Variants in KHDRBS2 observed in about 807,000 individuals in gnomAD.
KHDRBS2 encodes KH domain-containing, RNA-binding, signal transduction-associated protein 2.
A neutral mutation model predicts 44.3 loss-of-function variants in KHDRBS2; 26 were observed. The observed-to-expected ratio is 0.59, with a 90% CI of 0.43 to 0.81. The LOEUF (loss-of-function observed/expected upper bound fraction) is 0.81, where lower values mean the gene tolerates loss of function less well. KHDRBS2 is among the 40% of genes least tolerant of loss of function. The probability of loss-of-function intolerance (pLI) is 0.00; values close to 1 mark genes in which losing one functional copy is unlikely to be tolerated. For synonymous variants in KHDRBS2, 194 were observed against 151.1 expected, an observed-to-expected ratio of 1.28 and a Z score of -2.08; for missense variants, 476 against 433.1, an observed-to-expected ratio of 1.10 and a Z score of -0.88.
chr6:61,701,326 AT>A (rs1561989256), intron 7 of KHDRBS2, among the ~76,000 whole-genome samples: 1 of 152,004 alleles, frequency 6.6e-6, no homozygotes, highest in African/African-American at 2.4e-5. Flanking sequence ...TAGTTCTATA[AT>A]TTAAATTGAT....
intron 1 of KHDRBS2, among the ~76,000 whole-genome samples, chr6:62,204,873 TA>T (rs569226960): frequency 0.014 from 2,152 of 149,486 alleles, 24 homozygotes; most frequent in African/African-American, 0.026. Flanking sequence ...TGTATTTTGT[TA>T]AAAAAAAAAT....
chr6:61,595,168 C>T, the KHDRBS2 span, among the ~76,000 whole-genome samples: 3,716 of 152,166 alleles, frequency 0.024, 71 homozygotes, highest in Middle Eastern at 0.085. Context: ...GTGACTTTTG[C>T]TATTAAGCCT....
At chr6:61,634,918 C>T in the KHDRBS2 span, among the ~76,000 whole-genome samples, 2 of 151,932 alleles carry the variant, frequency 1.3e-5, no homozygotes, top group African/African-American at 4.8e-5. Context: ...TATTTAAGTT[C>T]CTTCCAATTA....
intron 6 of KHDRBS2, among the ~76,000 whole-genome samples, chr6:61,840,536 G>T (rs561375546): frequency 2.3e-4 from 35 of 152,190 alleles, no homozygotes; most frequent in Non-Finnish European, 4.3e-4. Context: ...CAACCAAGAT[G>T]CCACCAGATA....
intron 1 of KHDRBS2, among the ~76,000 whole-genome samples, chr6:62,209,337 C>T (rs1828610141): frequency 3.3e-5 from 5 of 152,094 alleles, no homozygotes; most frequent in African/African-American, 1.2e-4. Context: ...CAATTAAAGA[C>T]AGAAAAAACA....
intron 6 of KHDRBS2, among the ~76,000 whole-genome samples, chr6:61,749,128 T>C (rs1294175428): frequency 6.6e-6 from 1 of 151,006 alleles, no homozygotes; most frequent in Admixed American, 6.6e-5. Context: ...TTGTCCTGCT[T>C]CAGCCTCCCG....
intron 4 of KHDRBS2, among the ~76,000 whole-genome samples, chr6:61,923,815 T>C (rs532519147): frequency 6.6e-6 from 1 of 152,196 alleles, no homozygotes; most frequent in East Asian, 1.9e-4. Flanking sequence ...TTCTGGCTAA[T>C]TGAACAAGGC....
At chr6:61,645,019 C>T in the KHDRBS2 span, among the ~76,000 whole-genome samples, 1 of 151,992 alleles carries the variant, frequency 6.6e-6, no homozygotes, top group Non-Finnish European at 1.5e-5. Context: ...TGCATGCCAA[C>T]ATTCTTTGCA....
At chr6:61,667,260 G>C in the KHDRBS2 span, among the ~76,000 whole-genome samples, 4 of 149,932 alleles carry the variant, frequency 2.7e-5, no homozygotes, top group African/African-American at 9.8e-5. Flanking sequence ...TGAAGTTCTT[G>C]TAATAGTAGA....
intron 2 of KHDRBS2, among the ~76,000 whole-genome samples, chr6:62,140,283 G>A (rs2150097435): frequency 6.6e-6 from 1 of 152,300 alleles, no homozygotes; most frequent in East Asian, 1.9e-4. Context: ...GATAACAAGA[G>A]ATGAGGCAGA....
chr6:61,605,865 T>C, the KHDRBS2 span, among the ~76,000 whole-genome samples: 1 of 152,224 alleles, frequency 6.6e-6, no homozygotes, highest in African/African-American at 2.4e-5. Context: ...ATATCCCCTG[T>C]GACTTCCATG....
At chr6:61,615,969 C>T in the KHDRBS2 span, among the ~76,000 whole-genome samples, 1 of 152,110 alleles carries the variant, frequency 6.6e-6, no homozygotes, top group Non-Finnish European at 1.5e-5. Flanking sequence ...ATGAAAAGGA[C>T]ATTAGGGCTG....
At chr6:61,597,560 G>T in the KHDRBS2 span, among the ~76,000 whole-genome samples, 1 of 151,026 alleles carries the variant, frequency 6.6e-6, no homozygotes, top group African/African-American at 2.4e-5. Context: ...ATTAACCATT[G>T]AATGGAGAAA....
intron 1 of KHDRBS2, among the ~76,000 whole-genome samples, chr6:62,264,483 T>A (rs1364760675): frequency 6.6e-6 from 1 of 151,812 alleles, no homozygotes; most frequent in East Asian, 1.9e-4. Context: ...ATTTTCAAAT[T>A]CAACTTGGTG....
chr6:62,197,642 A>G (rs1294693280), intron 1 of KHDRBS2, among the ~76,000 whole-genome samples: 2 of 152,150 alleles, frequency 1.3e-5, no homozygotes, highest in Admixed American at 1.3e-4. Flanking sequence ...ACTAACTTAT[A>G]AATATACACA....
chr6:61,926,682 ATTC>A (rs918074696), intron 4 of KHDRBS2, among the ~76,000 whole-genome samples: 9 of 152,294 alleles, frequency 5.9e-5, no homozygotes, highest in African/African-American at 1.9e-4. Flanking sequence ...GGTAACATAT[ATTC>A]TTGGTATCAA....
chr6:61,639,783 T>C, the KHDRBS2 span, among the ~76,000 whole-genome samples: 1 of 152,106 alleles, frequency 6.6e-6, no homozygotes, highest in Admixed American at 6.6e-5. Context: ...AAATGTTGAA[T>C]GAGTTATGAT....
intron 6 of KHDRBS2, among the ~76,000 whole-genome samples, chr6:61,759,143 G>A (rs1299644801): frequency 6.6e-6 from 1 of 152,034 alleles, no homozygotes; most frequent in Non-Finnish European, 1.5e-5. Context: ...AAGCATAAAT[G>A]AATAGTCACT....
intron 4 of KHDRBS2, among the ~76,000 whole-genome samples, chr6:61,906,534 A>G (rs1289371745): frequency 6.6e-6 from 1 of 151,708 alleles, no homozygotes; most frequent in Non-Finnish European, 1.5e-5. Context: ...AACCATCCCA[A>G]CTTCCCCCCC....
Sources: allele counts gnomAD v4.1 joint callset (sites outside exome capture counted in the v4.1 genomes callset), GRCh38; gene constraint gnomAD v4.1.1; transcripts MANE v1.5; gene names NCBI Gene and HGNC (gene_info 2026-07-23, HGNC 2026-07-21).